Variants in PLPP3 observed in about 807,000 individuals in gnomAD.
PLPP3 encodes phospholipid phosphatase 3.
Under a neutral mutation model 29.6 loss-of-function variants are expected in PLPP3, and 6 were observed. The ratio of observed to expected loss-of-function variants is 0.20; its 90% CI spans 0.11 to 0.40. PLPP3 has a LOEUF of 0.40. Ranked by LOEUF, PLPP3 falls within the 10% of genes least tolerant of loss-of-function variation. The pLI, the probability that PLPP3 is intolerant of heterozygous loss-of-function variation, is 1.00. For synonymous variants in PLPP3, 152 were observed against 159.7 expected (o/e 0.95, Z 0.36); for missense variants, 308 against 407.7 (o/e 0.76, Z 2.11).
rs79496201 is a variant in PLPP3 at position 56,512,202 on chromosome 1, C to A, written c.634-50G>T. On this transcript the variant is annotated intron_variant, in intron 4 of 5. Coordinates refer to ENST00000371250, the MANE Select transcript of PLPP3 (RefSeq NM_003713.5). ...CAGACATTAAGTGACTCCCCACTCA[C>A]ATGCACTATAACCCCAGGTGACACA... 1.1e-3 allele frequency: 1,548 copies of A among 1,468,234 alleles called. 32 individuals are homozygous for A. In the East Asian group the frequency reaches 0.033, roughly 31 times the overall value. The allele number at this position is 1,468,234 out of a possible 1,614,324, so 91.0% of individuals were successfully genotyped here. A position where few individuals can be genotyped will look rare whatever the true frequency, so the allele number is the denominator to read the frequency against.
intron 2 of PLPP3, among the ~76,000 whole-genome samples, chr1:56,526,359 C>A (rs770497243): frequency 1.3e-5 from 2 of 152,162 alleles, no homozygotes; most frequent in Non-Finnish European, 2.9e-5. Context: ...TGAAAGGGAC[C>A]ATTATATTTA....
Position 56,511,966 on chromosome 1 carries a change from T to C in PLPP3, c.810+10A>G, listed in dbSNP as rs939689404. 1 of 1,613,376 alleles carries C rather than the reference T, an allele frequency of 6.2e-7. No individual in the cohort carries two copies. Among genetic ancestry groups the C allele is most frequent in the Non-Finnish European group, 8.5e-7 (1 of 1,179,752 alleles). On this transcript the variant is annotated intron_variant, in intron 5 of 5. Coordinates refer to ENST00000371250, the MANE Select transcript of PLPP3 (RefSeq NM_003713.5). ...CTCCACTTGCATATTGAGGACAAGATGCTACTTACTATGCAGCAGGCCACC... is the reference window on the plus strand; with the variant it reads ...CTCCACTTGCATATTGAGGACAAGACGCTACTTACTATGCAGCAGGCCACC...
chr1:56,555,611 T>A (rs967450074), intron 1 of PLPP3, among the ~76,000 whole-genome samples: 10 of 152,034 alleles, frequency 6.6e-5, no homozygotes, highest in African/African-American at 2.4e-4. Context: ...AGCCTCTAGG[T>A]CACTGTGTCC....
At chr1:56,544,352 T>G (rs147778980) in intron 1 of PLPP3, among the ~76,000 whole-genome samples, 1 of 152,292 alleles carries the variant, frequency 6.6e-6, no homozygotes, top group East Asian at 1.9e-4. Flanking sequence ...ATTATATATT[T>G]CACAAATGAG....
intron 1 of PLPP3, among the ~76,000 whole-genome samples, chr1:56,557,870 C>T (rs1449836692): frequency 2.0e-5 from 3 of 152,174 alleles, no homozygotes; most frequent in Non-Finnish European, 4.4e-5. Flanking sequence ...CCCCGGGGCG[C>T]TTTTCCAACC....
intron 1 of PLPP3, among the ~76,000 whole-genome samples, chr1:56,559,212 A>G (rs1172157069): frequency 6.6e-6 from 1 of 152,196 alleles, no homozygotes; most frequent in South Asian, 2.1e-4. Flanking sequence ...AGGAAAGAGC[A>G]TAAACAAAGG....
chr1:56,515,310 C>A (rs1645773813), intron 4 of PLPP3, among the ~76,000 whole-genome samples: 1 of 152,162 alleles, frequency 6.6e-6, no homozygotes, highest in South Asian at 2.1e-4. Flanking sequence ...GCTGAAAAAT[C>A]TGTAGGTCCT....
At chr1:56,527,066 C>T (rs1191693563) in intron 2 of PLPP3, among the ~76,000 whole-genome samples, 6 of 152,194 alleles carry the variant, frequency 3.9e-5, no homozygotes, top group Non-Finnish European at 7.3e-5. Flanking sequence ...ACTGATTAAT[C>T]TCAGATGAGT....
At chr1:56,571,395 C>A (rs906014638) in intron 1 of PLPP3, among the ~76,000 whole-genome samples, 1 of 152,152 alleles carries the variant, frequency 6.6e-6, no homozygotes, top group East Asian at 1.9e-4. Flanking sequence ...CTTGCTTAAG[C>A]TTCTATGGCC....
intron 2 of PLPP3, among the ~76,000 whole-genome samples, chr1:56,532,074 G>T (rs1645892952): frequency 6.6e-6 from 1 of 152,214 alleles, no homozygotes; most frequent in Admixed American, 6.5e-5. Flanking sequence ...AAGAATTGCT[G>T]CTGTTCTCAC....
At chr1:56,509,747 A>G (rs186911641) in intron 5 of PLPP3, among the ~76,000 whole-genome samples, 1,513 of 150,980 alleles carry the variant, frequency 0.01, 22 homozygotes, top group African/African-American at 0.035. Flanking sequence ...GCTGAGGGGG[A>G]AGAATCTTCA....
chr1:56,526,301 A>G (rs578255966), intron 2 of PLPP3, among the ~76,000 whole-genome samples: 1 of 152,214 alleles, frequency 6.6e-6, no homozygotes, highest in South Asian at 2.1e-4. Context: ...GAATGCTTTG[A>G]TAACACGTTG....
At chr1:56,540,737 T>C (rs748128815) in intron 1 of PLPP3, among the ~76,000 whole-genome samples, 9 of 152,182 alleles carry the variant, frequency 5.9e-5, no homozygotes, top group Non-Finnish European at 1.3e-4. Context: ...CAAATCTTGA[T>C]TTTGATCCAG....
chr1:56,562,469 G>GA (rs1252548643), intron 1 of PLPP3, among the ~76,000 whole-genome samples: 1 of 152,028 alleles, frequency 6.6e-6, no homozygotes, highest in Non-Finnish European at 1.5e-5. Flanking sequence ...AAATGCAGTC[G>GA]AAAAAGGAAG....
At chr1:56,552,391 A>T (rs1222615361) in intron 1 of PLPP3, among the ~76,000 whole-genome samples, 1 of 152,186 alleles carries the variant, frequency 6.6e-6, no homozygotes, top group Non-Finnish European at 1.5e-5. Context: ...ACTACTCTAA[A>T]ACTTAAAAAT....
At chr1:56,542,198 G>T (rs981459632) in intron 1 of PLPP3, among the ~76,000 whole-genome samples, 1 of 152,084 alleles carries the variant, frequency 6.6e-6, no homozygotes, top group Non-Finnish European at 1.5e-5. Context: ...AACTTCTCTG[G>T]CTTTGAAAAA....
chr1:56,514,201 T>C (rs1469571456), intron 4 of PLPP3, among the ~76,000 whole-genome samples: 3 of 152,092 alleles, frequency 2.0e-5, no homozygotes, highest in African/African-American at 7.2e-5. Flanking sequence ...CTAATGTGTT[T>C]TATAGGAGCT....
At chr1:56,529,822 C>T (rs1045227787) in intron 2 of PLPP3, among the ~76,000 whole-genome samples, 1 of 152,054 alleles carries the variant, frequency 6.6e-6, no homozygotes, top group Admixed American at 6.6e-5. Context: ...TCCAAAGACA[C>T]CAGTATAATT....
chr1:56,503,680 CA>C (rs989675221), intron 5 of PLPP3, among the ~76,000 whole-genome samples: 55 of 151,216 alleles, frequency 3.6e-4, no homozygotes, highest in Admixed American at 1.6e-3. Context: ...ACTCCATCTC[CA>C]AAAAAAACCA....
Sources: gnomAD v4.1 joint callset for allele counts (sites outside exome capture counted in the v4.1 genomes callset) on GRCh38, gnomAD v4.1.1 for gene constraint, MANE v1.5 for transcripts, NCBI Gene and HGNC (gene_info 2026-07-23, HGNC 2026-07-21) for gene names.